ALMS1: variants seen among roughly 807,000 people sequenced by gnomAD.
ALMS1 encodes the protein ALMS1 centrosome and basal body associated protein, also known as centrosome-associated protein ALMS1.
In ALMS1, 271 loss-of-function variants were observed where a neutral mutation model predicts 352.2. The observed-to-expected ratio is 0.77, with a 90% CI of 0.70 to 0.85. ALMS1 has a LOEUF of 0.85. ALMS1 is among the 40% of genes least tolerant of loss of function. The pLI is 0.00. For synonymous variants in ALMS1, 1,865 were observed against 1,761.2 expected, an observed-to-expected ratio of 1.06 and a Z score of -1.48; for missense variants, 5,445 against 4,870.7, an observed-to-expected ratio of 1.12 and a Z score of -3.51.
rs746440819 is a variant in ALMS1 at position 73,491,458 on chromosome 2, G to A, written c.9499G>A (p.Gly3167Arg). 6.2e-7 allele frequency: 1 copy of A among 1,614,084 alleles called. No individual in the cohort carries two copies. The highest frequency in any genetic ancestry group is 8.5e-7 in the Non-Finnish European group (1 of 1,180,016). ...ACAAGTGAACATTTCAGATTTCGAA[G>A]GACATTCCAATCCAGAGGGGACCCC... ...QIQVNISDFE[G>R]HSNPEGTPVF... The change falls in exon 10 of 23, where the codon GGA becomes AGA. Residue 3167 changes from glycine to arginine, a missense_variant. Gly to Arg is a moderately radical substitution (Grantham distance 125). Transcript: ENST00000613296.
At chr2:73,390,327 ATGC>A (rs1366327767) in intron 1 of ALMS1, among the ~76,000 whole-genome samples, 2 of 152,198 alleles carry the variant, frequency 1.3e-5, no homozygotes, top group East Asian at 1.9e-4. Flanking sequence ...ATAACATCTA[ATGC>A]TGCGTATTTA....
intron 6 of ALMS1, among the ~76,000 whole-genome samples, chr2:73,429,337 A>C (rs900719053): frequency 6.9e-6 from 1 of 145,568 alleles, no homozygotes; most frequent in Non-Finnish European, 1.5e-5. Flanking sequence ...GCTGGAGTGC[A>C]ATGGCACAAT....
At chr2:73,466,616 A>C (rs1672352365) in intron 9 of ALMS1, among the ~76,000 whole-genome samples, 1 of 152,138 alleles carries the variant, frequency 6.6e-6, no homozygotes, top group African/African-American at 2.4e-5. Flanking sequence ...CATTGTGCAC[A>C]TGTACCCTAA....
chr2:73,468,567 G>A (rs1480843660), intron 9 of ALMS1, among the ~76,000 whole-genome samples: 1 of 151,854 alleles, frequency 6.6e-6, no homozygotes, highest in Admixed American at 6.6e-5. Flanking sequence ...TCTGCCCCAG[G>A]CAGCCACCAT....
intron 15 of ALMS1, among the ~76,000 whole-genome samples, chr2:73,570,688 G>A (rs1437017024): frequency 6.6e-6 from 1 of 152,072 alleles, no homozygotes; most frequent in Admixed American, 6.6e-5. Flanking sequence ...AGGAAGCAAG[G>A]TCTGGAAGGG....
intron 21 of ALMS1, among the ~76,000 whole-genome samples, chr2:73,604,484 C>T (rs1675772000): frequency 6.6e-6 from 1 of 152,204 alleles, no homozygotes; most frequent in Non-Finnish European, 1.5e-5. Flanking sequence ...ATAAGGTTGA[C>T]TTTTTTAGGC....
chr2:73,500,272 G>T (rs551783093), intron 10 of ALMS1, among the ~76,000 whole-genome samples: 1 of 152,294 alleles, frequency 6.6e-6, no homozygotes, highest in South Asian at 2.1e-4. Context: ...GTAGGTTGTT[G>T]TTCCAAGTCC....
rs1356972872 is a variant in ALMS1 at position 73,449,042 on chromosome 2, G to T, written c.2515G>T (p.Ala839Ser). ...ACCCGAAGAGGCTCTGAAAGTTTCA[G>T]CTGTTTCTGGACCAGCTGACGGAAA... ...HLPEEALKVS[A>S]VSGPADGKTG... The change falls in exon 8 of 23, where the codon GCT (alanine) becomes TCT (serine). Residue 839 changes from alanine to serine, a missense_variant. Physicochemically the swap from Ala to Ser is moderately conservative, Grantham distance 99. Coordinates refer to ENST00000613296, the MANE Select transcript of ALMS1 (RefSeq NM_001378454.1). 1 of 1,613,946 alleles carries T rather than the reference G, an allele frequency of 6.2e-7. No individual in the cohort carries two copies. The highest frequency in any genetic ancestry group is 8.5e-7 in the Non-Finnish European group (1 of 1,179,974).
In ALMS1 at chr2:73,605,815, C is replaced by G. The variant is rs937005077; in HGVS notation, c.12362+2511C>G. Among the ~76,000 whole-genome samples, 7 of 151,818 alleles carry G rather than the reference C, an allele frequency of 4.6e-5. No homozygotes were observed. In the East Asian group the frequency reaches 1.4e-3, roughly 29 times the overall value. ...CCAAGATCGCGCCACTGCACACCAG[C>G]CTGGGCAACAAGTGCGAAACTCTGT... is the stretch of plus-strand genomic sequence containing the variant. On this transcript the variant is annotated intron_variant, in intron 21 of 22. Transcript: ENST00000613296.
At chr2:73,530,131 G>T (rs1172502308) in intron 11 of ALMS1, among the ~76,000 whole-genome samples, 1 of 152,020 alleles carries the variant, frequency 6.6e-6, no homozygotes, top group Admixed American at 6.6e-5. Flanking sequence ...CTTCCCAATA[G>T]TCCCCCAGAA....
At chr2:73,457,220 T>A (rs1558653125) in intron 9 of ALMS1, 1 of 152,210 alleles carries the variant, frequency 6.6e-6, no homozygotes, top group East Asian at 1.9e-4. Flanking sequence ...TGTATCTATA[T>A]AATACTTTTT....
At chr2:73,385,824 C>A (rs539250179), upstream of ALMS1, 4 of 678,846 alleles carry the variant, frequency 5.9e-6, no homozygotes, top group East Asian at 5.5e-5. Context: ...TCCCCTCCCT[C>A]CCCCCCTCCT....
intron 9 of ALMS1, among the ~76,000 whole-genome samples, chr2:73,468,033 A>G (rs1488923042): frequency 6.6e-6 from 1 of 152,032 alleles, no homozygotes; most frequent in African/African-American, 2.4e-5. Context: ...ATCACATATA[A>G]AAAATAAACT....
chr2:73,402,250 TTTTC>T (rs986306437), intron 1 of ALMS1, among the ~76,000 whole-genome samples: 3 of 151,390 alleles, frequency 2.0e-5, no homozygotes, highest in African/African-American at 4.9e-5. Flanking sequence ...CTTTTCTTTC[TTTTC>T]TTTCTTTCTC....
chr2:73,467,913 C>T (rs574043721), intron 9 of ALMS1, among the ~76,000 whole-genome samples: 1 of 152,108 alleles, frequency 6.6e-6, no homozygotes, highest in Admixed American at 6.6e-5. Flanking sequence ...AGAATGGTTA[C>T]CTCTGGTGGA....
intron 15 of ALMS1, among the ~76,000 whole-genome samples, chr2:73,565,036 G>A (rs1435653291): frequency 6.6e-6 from 1 of 152,108 alleles, no homozygotes; most frequent in Non-Finnish European, 1.5e-5. Flanking sequence ...CATGCCTTTC[G>A]GATGCAAATG....
chr2:73,580,087 T>C (rs1232747360), intron 16 of ALMS1, among the ~76,000 whole-genome samples: 1 of 152,182 alleles, frequency 6.6e-6, no homozygotes, highest in Admixed American at 6.5e-5. Flanking sequence ...TTCTTTCATT[T>C]TCTATTTTTT....
intron 1 of ALMS1, among the ~76,000 whole-genome samples, chr2:73,401,901 TGTAA>T (rs1387466662): frequency 6.6e-6 from 1 of 152,198 alleles, no homozygotes; most frequent in Non-Finnish European, 1.5e-5. Flanking sequence ...AGATTTCATA[TGTAA>T]GTGAGATCAT....
chr2:73,389,524 C>A (rs577919427), intron 1 of ALMS1, among the ~76,000 whole-genome samples: 14 of 151,874 alleles, frequency 9.2e-5, no homozygotes, highest in Non-Finnish European at 2.1e-4. Flanking sequence ...CCTAAGTATT[C>A]TTTAGGATTA....
Sources: allele counts gnomAD v4.1 joint callset (sites outside exome capture counted in the v4.1 genomes callset), GRCh38; gene constraint gnomAD v4.1.1; transcripts MANE v1.5; gene names NCBI Gene and HGNC (gene_info 2026-07-23, HGNC 2026-07-21).